ZNF273: variants seen among roughly 807,000 people sequenced by gnomAD.
The protein encoded by ZNF273 is zinc finger protein 273.
Under a neutral mutation model 14.9 loss-of-function variants are expected in ZNF273, and 11 were observed. The observed-to-expected ratio is 0.74, with a 90% CI of 0.46 to 1.22. ZNF273 has a LOEUF of 1.22. ZNF273 is among the 50% of genes most tolerant of loss of function. ZNF273 has a pLI of 0.00. For missense variants in ZNF273, 577 were observed against 660.6 expected, an observed-to-expected ratio of 0.87 and a Z score of 1.39; for synonymous variants, 199 against 223.9, an observed-to-expected ratio of 0.89 and a Z score of 0.99.
upstream of ZNF273, among the ~76,000 whole-genome samples, chr7:64,900,493 G>A (rs890839485): frequency 2.0e-5 from 3 of 152,144 alleles, no homozygotes; most frequent in African/African-American, 7.2e-5. Flanking sequence ...CTGAAAAATC[G>A]AGCAGCAAAC....
At chr7:64,896,932 TGTG>T (rs1583972372) in intron 3 of ZNF273, among the ~76,000 whole-genome samples, 1 of 152,172 alleles carries the variant, frequency 6.6e-6, no homozygotes, top group Non-Finnish European at 1.5e-5. Flanking sequence ...ATATAGAAAA[TGTG>T]GTATATTTAC....
downstream of ZNF273, among the ~76,000 whole-genome samples, chr7:64,934,435 A>G (rs1795045212): frequency 6.6e-6 from 1 of 152,126 alleles, no homozygotes; most frequent in East Asian, 1.9e-4. Flanking sequence ...TATTTTTTGT[A>G]GTAGTTTCAG....
downstream of ZNF273, among the ~76,000 whole-genome samples, chr7:64,880,594 C>G (rs1416733155): frequency 6.6e-6 from 1 of 151,894 alleles, no homozygotes; most frequent in Admixed American, 6.6e-5. Flanking sequence ...TCGAGTCGCC[C>G]CACCTTCTGG....
chr7:64,896,674 G>A (rs145523528), intron 3 of ZNF273, among the ~76,000 whole-genome samples: 78 of 152,046 alleles, frequency 5.1e-4, no homozygotes, highest in African/African-American at 1.8e-3. Flanking sequence ...ACAGCCCTTG[G>A]AAAAATAGTA....
At chr7:64,932,244 T>G (rs907798255), downstream of ZNF273, among the ~76,000 whole-genome samples, 172 of 151,842 alleles carry the variant, frequency 1.1e-3, 1 homozygote, top group African/African-American at 4.0e-3. Context: ...AAAAAATATC[T>G]TACTAGATTC....
chr7:64,884,615 C>T (rs1448081021), downstream of ZNF273, among the ~76,000 whole-genome samples: 1 of 152,162 alleles, frequency 6.6e-6, no homozygotes, highest in Non-Finnish European at 1.5e-5. Flanking sequence ...AGGCAGTGAG[C>T]TCAAAGGCCT....
chr7:64,914,203 T>C (rs1793784493), intron 1 of ZNF273, among the ~76,000 whole-genome samples: 1 of 143,310 alleles, frequency 7.0e-6, no homozygotes, highest in Admixed American at 7.0e-5. Context: ...TTTTTTTTTT[T>C]TTTTTAGTAC....
At chr7:64,912,826 G>GTTTTTTGTTGTTTTTT in intron 1 of ZNF273, among the ~76,000 whole-genome samples, 7 of 36,576 alleles carry the variant, frequency 1.9e-4, no homozygotes, top group Admixed American at 4.0e-4. Flanking sequence ...ATTCATTTTA[G>GTTTTTTGTTGTTTTTT]TTTTTTTTTT....
chr7:64,902,524 G>A (rs967482339), upstream of ZNF273, among the ~76,000 whole-genome samples: 4 of 152,222 alleles, frequency 2.6e-5, no homozygotes, highest in Admixed American at 6.5e-5. Context: ...GAGGTCAGGA[G>A]TTCAAGACCA....
chr7:64,898,288 T>C (rs1167396012), upstream of ZNF273, among the ~76,000 whole-genome samples: 1 of 152,162 alleles, frequency 6.6e-6, no homozygotes, highest in Non-Finnish European at 1.5e-5. Flanking sequence ...TTAACACCAA[T>C]GGAAAGCAAG....
At chr7:64,932,240 T>C (rs959730629), downstream of ZNF273, among the ~76,000 whole-genome samples, 4 of 135,044 alleles carry the variant, frequency 3.0e-5, no homozygotes, top group African/African-American at 1.1e-4. Context: ...AAAAAAAAAA[T>C]ATCTTACTAG....
At chr7:64,934,115 T>C (rs986329498), downstream of ZNF273, among the ~76,000 whole-genome samples, 1 of 152,096 alleles carries the variant, frequency 6.6e-6, no homozygotes, top group African/African-American at 2.4e-5. Context: ...GGCTGGTCTC[T>C]AACTCCTGAC....
At chr7:64,888,821 G>GAT (rs1791774201) in exon 2 of ZNF273, 1 of 985,838 alleles carries the variant, frequency 1.0e-6, no homozygotes, top group Non-Finnish European at 1.2e-6. Context: ...CCACTTTCTG[G>GAT]AAAGAAGAAA....
intron 3 of ZNF273, among the ~76,000 whole-genome samples, chr7:64,920,135 C>A (rs1794321068): frequency 6.6e-6 from 1 of 152,146 alleles, no homozygotes; most frequent in Admixed American, 6.5e-5. Flanking sequence ...GGGGTTGTAG[C>A]TTGCTCACAA....
At chr7:64,914,208 T>A (rs1212352449) in intron 1 of ZNF273, among the ~76,000 whole-genome samples, 7 of 102,536 alleles carry the variant, frequency 6.8e-5, no homozygotes, top group Non-Finnish European at 9.9e-5. Context: ...TTTTTTTTTT[T>A]AGTACAGATG....
Position 64,928,168 on chromosome 7 carries a change from TA to T in ZNF273, c.847del (p.Ile283PhefsTer28), listed in dbSNP as rs955254760. 1 of 1,612,914 alleles carries T rather than the reference TA, an allele frequency of 6.2e-7. No individual in the cohort carries two copies. Among genetic ancestry groups the T allele is most frequent in the Non-Finnish European group, 8.5e-7 (1 of 1,179,650 alleles). On this transcript the variant is annotated frameshift_variant, in exon 4 of 4. Transcript: ENST00000476120. LOFTEE classifies it low-confidence loss of function (END_TRUNC). ...ACCAGTCCTTAACTCTTACTAAACA[TA>T]AAAAAATTCATACTGAAGAGAAACC... ...FNQSLTLTKH[K>X]KIHTEEKPYK...
chr7:64,917,747 C>T (rs1246599327), intron 2 of ZNF273, 40 bp downstream of exon 2: 1 of 1,524,420 alleles, frequency 6.6e-7, no homozygotes, highest in Admixed American at 2.1e-5. Context: ...GGTTTCACTT[C>T]TCCTTTCTGT....
chr7:64,916,320 T>G (rs1793981223), intron 1 of ZNF273, among the ~76,000 whole-genome samples: 1 of 144,670 alleles, frequency 6.9e-6, no homozygotes, highest in Non-Finnish European at 1.5e-5. Context: ...CGGACAGGAG[T>G]TCGAGACCAG....
chr7:64,921,346 G>A (rs2129091083), intron 3 of ZNF273, among the ~76,000 whole-genome samples: 1 of 152,216 alleles, frequency 6.6e-6, no homozygotes, highest in South Asian at 2.1e-4. Context: ...ACAGGCGTGA[G>A]CCACCACACC....
Sources: gnomAD v4.1 joint callset for allele counts (sites outside exome capture counted in the v4.1 genomes callset) on GRCh38, gnomAD v4.1.1 for gene constraint, MANE v1.5 for transcripts, NCBI Gene and HGNC (gene_info 2026-07-23, HGNC 2026-07-21) for gene names.